The following NOTCH2 variants were observed in gnomAD, a reference collection of about 807,000 sequenced individuals.
NOTCH2 encodes neurogenic locus notch homolog protein 2.
Under a neutral mutation model 235.8 loss-of-function variants are expected in NOTCH2, and 29 were observed. That is an observed-to-expected ratio of 0.12 (90% CI 0.09 to 0.17). NOTCH2 has a LOEUF of 0.17. Ranked by LOEUF, NOTCH2 falls within the 10% of genes least tolerant of loss-of-function variation. The pLI, the probability that NOTCH2 is intolerant of heterozygous loss-of-function variation, is 1.00. For missense variants in NOTCH2, 2,285 were observed against 3,150.2 expected, an observed-to-expected ratio of 0.73 and a Z score of 6.57; for synonymous variants, 1,086 against 1,141.5, an observed-to-expected ratio of 0.95 and a Z score of 0.98.
chr1:119,982,553 T>C (rs1651849704), intron 5 of NOTCH2, among the ~76,000 whole-genome samples: 1 of 152,256 alleles, frequency 6.6e-6, no homozygotes, highest in South Asian at 2.1e-4. Context: ...TTTCCTTAAA[T>C]GGATATCTGC....
At chr1:119,944,085 C>T (rs1553196785) in intron 17 of NOTCH2, among the ~76,000 whole-genome samples, 1 of 152,050 alleles carries the variant, frequency 6.6e-6, no homozygotes, top group African/African-American at 2.4e-5. Flanking sequence ...ATCAACCTTG[C>T]AGCCTAATAA....
chr1:119,972,064 T>C (rs1298606770), intron 5 of NOTCH2, among the ~76,000 whole-genome samples: 1 of 142,126 alleles, frequency 7.0e-6, no homozygotes, highest in African/African-American at 2.7e-5. Context: ...AAGGAGTGAG[T>C]GAGCGAGGGA....
intron 1 of NOTCH2, among the ~76,000 whole-genome samples, chr1:120,030,863 G>C (rs1553210893): frequency 9.8e-6 from 1 of 101,528 alleles, no homozygotes; most frequent in Non-Finnish European, 2.0e-5. Flanking sequence ...CCAATCACTT[G>C]CTGGATAATT....
intron 5 of NOTCH2, among the ~76,000 whole-genome samples, chr1:119,974,557 G>A (rs1211673429): frequency 6.7e-6 from 1 of 150,326 alleles, no homozygotes; most frequent in Non-Finnish European, 1.5e-5. Context: ...GATCACTTTT[G>A]CCTCGTAAAT....
chr1:119,968,416 C>T (rs1312404312), intron 6 of NOTCH2, among the ~76,000 whole-genome samples, 184 bp from the exon 7 acceptor site: 1 of 152,148 alleles, frequency 6.6e-6, no homozygotes, highest in Non-Finnish European at 1.5e-5. Context: ...CAGCAAAGCA[C>T]CTAGATGCAA....
At chr1:120,001,332 T>C (rs1486235874) in intron 3 of NOTCH2, among the ~76,000 whole-genome samples, 2 of 151,948 alleles carry the variant, frequency 1.3e-5, no homozygotes, top group African/African-American at 4.8e-5. Flanking sequence ...AATTAGTCTT[T>C]CGCCCCTACA....
Position 119,920,309 on chromosome 1 carries a change from C to T in NOTCH2, c.5399G>A (p.Arg1800His), listed in dbSNP as rs1264016887. ...GGTGAGAGCCAGCGATGGTGTCCTA[C>T]GGATGTCTGCAGCTTCAAGGTGCTG... The part of the protein sequence containing the change: ...TQQHLEAADI[R>H]RTPSLALTPP... The change falls in exon 30 of 34, where the codon CGT (arginine) becomes CAT (histidine). Residue 1800 changes from arginine (R) to histidine (H), a missense_variant. This residue lies in a region of NOTCH2 where 1,173 missense variants were observed against 1,515.3 expected (regional missense o/e 0.77). Coordinates refer to ENST00000256646, the MANE Select transcript of NOTCH2 (RefSeq NM_024408.4). 26 of 1,614,054 alleles carry T rather than the reference C, an allele frequency of 1.6e-5. No homozygotes were observed. The highest frequency in any genetic ancestry group is 4.4e-5 in the South Asian group (4 of 91,090).
intron 5 of NOTCH2, among the ~76,000 whole-genome samples, chr1:119,972,587 G>A (rs1451075098): frequency 6.6e-6 from 1 of 152,176 alleles, no homozygotes; most frequent in East Asian, 1.9e-4. Context: ...CTGAAATAAT[G>A]TAGCAAGACA....
chr1:119,978,925 T>C (rs916610321), intron 5 of NOTCH2, among the ~76,000 whole-genome samples: 1 of 152,182 alleles, frequency 6.6e-6, no homozygotes, highest in African/African-American at 2.4e-5. Flanking sequence ...TAAAAGATTC[T>C]ACAACATAAA....
intron 1 of NOTCH2, among the ~76,000 whole-genome samples, chr1:120,034,371 G>A (rs1419480661): frequency 8.6e-6 from 1 of 116,238 alleles, no homozygotes. Flanking sequence ...AAAAGAAGTA[G>A]TAGATTTCAA....
rs1553195858 is a variant in NOTCH2 at position 119,937,373 on chromosome 1, C to T, written c.3431G>A (p.Ser1144Asn). 3.1e-6 allele frequency: 5 copies of T among 1,614,038 alleles called. No individual in the cohort carries two copies. The highest frequency in any genetic ancestry group is 4.2e-6 in the Non-Finnish European group (5 of 1,180,050). ...CTCATCGAGTTGCTCCTCACAGTAG[C>T]TCCCAGTATAGCCCAGGGGGCACTG... ...YCQCPLGYTG[S>N]YCEEQLDECA... Residue 1144 changes from serine (S) to asparagine (N), a missense_variant, in exon 21 of 34, where the codon AGC becomes AAC. Ser to Asn is a conservative substitution (Grantham distance 46). Transcript: ENST00000256646.
At chr1:119,922,205 T>C (rs750253703) in intron 28 of NOTCH2, 31 bp downstream of exon 28, 1 of 1,602,792 alleles carries the variant, frequency 6.2e-7, no homozygotes. Context: ...ACTTATACTG[T>C]GAATAGTGGC....
chr1:119,950,426 T>C, intron 15 of NOTCH2: 1 of 544,056 alleles, frequency 1.8e-6, no homozygotes. Context: ...CCTGGAAACA[T>C]TCAAATGATA....
chr1:119,966,605 A>G (rs782722490), intron 8 of NOTCH2, 116 bp from the exon 9 acceptor site: 4 of 764,006 alleles, frequency 5.2e-6, no homozygotes, highest in Non-Finnish European at 9.5e-6. Context: ...ATTTCTGCAG[A>G]GAAAAAAGGA....
At chr1:119,950,858 C>A (rs1650444815) in intron 14 of NOTCH2, 21 bp from the exon 15 acceptor site, 1 of 1,490,078 alleles carries the variant, frequency 6.7e-7, no homozygotes. Flanking sequence ...AAGGAAAAAA[C>A]CAAAAACAGT....
At chr1:119,936,399 T>C (rs1404496969) in intron 21 of NOTCH2, among the ~76,000 whole-genome samples, 1 of 152,176 alleles carries the variant, frequency 6.6e-6, no homozygotes, top group African/African-American at 2.4e-5. Context: ...CCAGGGTATA[T>C]CTTGTCCTAC....
At chr1:120,027,053 G>A (rs1266287182) in intron 2 of NOTCH2, among the ~76,000 whole-genome samples, 1 of 144,618 alleles carries the variant, frequency 6.9e-6, no homozygotes, top group Non-Finnish European at 1.5e-5. Context: ...CTGGGTTCAG[G>A]CCATTCTCCT....
chr1:120,004,838 T>G (rs1210062320), intron 3 of NOTCH2, among the ~76,000 whole-genome samples: 1 of 152,228 alleles, frequency 6.6e-6, no homozygotes, highest in Admixed American at 6.5e-5. Context: ...AGTGGTGCGA[T>G]CATAGCTCAC....
At chr1:120,006,330 T>TATATA (rs1652974445) in intron 2 of NOTCH2, among the ~76,000 whole-genome samples, 2 of 152,192 alleles carry the variant, frequency 1.3e-5, no homozygotes, top group South Asian at 4.2e-4. Context: ...ATATCTAAGA[T>TATATA]ACCATATAAA....
Sources: allele counts gnomAD v4.1 joint callset (sites outside exome capture counted in the v4.1 genomes callset), GRCh38; gene constraint gnomAD v4.1.1; regional missense constraint gnomAD v4.1.1; transcripts MANE v1.5; gene names NCBI Gene and HGNC (gene_info 2026-07-23, HGNC 2026-07-21).